Variants in COL10A1 observed in about 807,000 individuals in gnomAD.
COL10A1 encodes collagen type X alpha 1 chain, also known as collagen alpha-1(X) chain.
In COL10A1, 10 loss-of-function variants were observed where a neutral mutation model predicts 18.2. The ratio of observed to expected loss-of-function variants is 0.55; its 90% CI spans 0.34 to 0.93. The LOEUF (loss-of-function observed/expected upper bound fraction) is 0.93. Among genes scored for constraint, COL10A1 ranks in the 40% least tolerant of loss-of-function variants. COL10A1 has a pLI of 0.02. For synonymous variants in COL10A1, 330 were observed against 316.6 expected (o/e 1.04, Z -0.45); for missense variants, 897 against 853.5 (o/e 1.05, Z -0.64).
chr6:116,167,108 A>G, the COL10A1 span, among the ~76,000 whole-genome samples: 11 of 151,976 alleles, frequency 7.2e-5, 1 homozygote, highest in South Asian at 2.3e-3. Flanking sequence ...ATTATCTTTT[A>G]TCACTGATGA....
the COL10A1 span, among the ~76,000 whole-genome samples, chr6:116,192,467 A>T: frequency 1.3e-5 from 2 of 152,096 alleles, no homozygotes; most frequent in African/African-American, 4.8e-5. Context: ...AACTATATAC[A>T]GATGAAAGAC....
chr6:116,154,364 G>A (rs1227770103), intron 1 of COL10A1, among the ~76,000 whole-genome samples: 1 of 152,002 alleles, frequency 6.6e-6, no homozygotes, highest in African/African-American at 2.4e-5. Flanking sequence ...ACCGTCCATG[G>A]TCACCCAGTT....
At chr6:116,143,283 T>C (rs944915305) in intron 1 of COL10A1, among the ~76,000 whole-genome samples, 1 of 152,166 alleles carries the variant, frequency 6.6e-6, no homozygotes, top group Admixed American at 6.5e-5. Flanking sequence ...CGATTTTGGC[T>C]CATTGCAACC....
At chr6:116,214,547 G>T in the COL10A1 span, among the ~76,000 whole-genome samples, 1 of 152,046 alleles carries the variant, frequency 6.6e-6, no homozygotes, top group Admixed American at 6.6e-5. Flanking sequence ...TGGACTGTCA[G>T]TTGACCTGAG....
chr6:116,149,583 G>A (rs1162376787), intron 1 of COL10A1, among the ~76,000 whole-genome samples: 7 of 152,176 alleles, frequency 4.6e-5, no homozygotes, highest in African/African-American at 1.4e-4. Flanking sequence ...TGAACCAAAG[G>A]ATGACTGTCG....
chr6:116,197,208 T>C, the COL10A1 span, among the ~76,000 whole-genome samples: 1 of 152,106 alleles, frequency 6.6e-6, no homozygotes, highest in South Asian at 2.1e-4. Context: ...CATAGGCATC[T>C]GGCCACGGAT....
At chr6:116,145,192 T>A (rs1366976050) in intron 1 of COL10A1, among the ~76,000 whole-genome samples, 1 of 152,272 alleles carries the variant, frequency 6.6e-6, no homozygotes, top group African/African-American at 2.4e-5. Flanking sequence ...TGGACAGTTG[T>A]CCTCAACAGA....
chr6:116,150,367 C>A (rs976306778), intron 1 of COL10A1, among the ~76,000 whole-genome samples: 1 of 152,110 alleles, frequency 6.6e-6, no homozygotes, highest in Non-Finnish European at 1.5e-5. Flanking sequence ...TCACTGCAAC[C>A]TCCACCTCCC....
At chr6:116,124,357 G>A (rs1779228622) in intron 2 of COL10A1, among the ~76,000 whole-genome samples, 1 of 152,050 alleles carries the variant, frequency 6.6e-6, no homozygotes, top group Non-Finnish European at 1.5e-5. Context: ...TATTTTATAG[G>A]CGGTCGTGTC....
At chr6:116,132,121 A>G (rs970737975) in intron 1 of COL10A1, among the ~76,000 whole-genome samples, 2 of 152,134 alleles carry the variant, frequency 1.3e-5, no homozygotes, top group East Asian at 1.9e-4. Flanking sequence ...CAAATACTTT[A>G]TAGTGAATAA....
At chr6:116,141,987 T>G (rs187265038) in intron 1 of COL10A1, among the ~76,000 whole-genome samples, 12 of 151,806 alleles carry the variant, frequency 7.9e-5, no homozygotes, top group Non-Finnish European at 1.2e-4. Flanking sequence ...TCAGGAAAAT[T>G]TTGACAAAGT....
chr6:116,173,720 C>G, the COL10A1 span, among the ~76,000 whole-genome samples: 16 of 152,076 alleles, frequency 1.1e-4, no homozygotes, highest in East Asian at 2.9e-3. Flanking sequence ...TTGGAATAAT[C>G]CCTAAATGTA....
Position 116,120,498 on chromosome 6 carries a change from C to T in COL10A1, c.1618G>A (p.Val540Ile). Reference protein sequence around the residue: ...QRPSLSGTPLVSANQGVTGMP... With the variant: ...QRPSLSGTPLISANQGVTGMP... Reference sequence around the variant, plus strand: ...CCTGTTACCCCCTGGTTGGCACTAACAAGAGGGGTCCCAGAAAGACTGGGC... The same window carrying T: ...CCTGTTACCCCCTGGTTGGCACTAATAAGAGGGGTCCCAGAAAGACTGGGC... Residue 540 changes from valine (V) to isoleucine (I), a missense_variant, in exon 3 of 3, where the codon GTT becomes ATT. Val to Ile is a conservative substitution (Grantham distance 29). Transcript: ENST00000651968. 6.2e-7 allele frequency: 1 copy of T among 1,614,224 alleles called. No individual in the cohort carries two copies. The highest frequency in any genetic ancestry group is 1.1e-5 in the South Asian group (1 of 91,086).
At chr6:116,216,636 A>G in the COL10A1 span, among the ~76,000 whole-genome samples, 1 of 151,828 alleles carries the variant, frequency 6.6e-6, no homozygotes, top group Non-Finnish European at 1.5e-5. Context: ...GATATTCTAG[A>G]TTTATTTATT....
chr6:116,121,772 C>T lies in COL10A1; in HGVS notation c.344G>A (p.Gly115Glu), dbSNP rs1172366817. Reference protein sequence around the residue: ...VGKPGVPGLPGKPGERGPYGP... With the variant: ...VGKPGVPGLPEKPGERGPYGP... ...ATATGGTCCTCTCTCTCCTGGTTTT[C>T]CTGGGAGTCCTGGCACACCTGGTTT... The change falls in exon 3 of 3, where the codon GGA becomes GAA. Residue 115 changes from glycine (G) to glutamate (E), a missense_variant. By Grantham distance (98) the Gly-to-Glu change is moderately conservative. Transcript: ENST00000651968. 5 of 1,613,854 alleles carry T rather than the reference C, an allele frequency of 3.1e-6. No homozygotes were observed. Among genetic ancestry groups the T allele is most frequent in the East Asian group, 2.2e-5 (1 of 44,852 alleles).
At chr6:116,188,498 TAAAAAC>T in the COL10A1 span, among the ~76,000 whole-genome samples, 1 of 151,962 alleles carries the variant, frequency 6.6e-6, no homozygotes, top group South Asian at 2.1e-4. Flanking sequence ...GAATGAATCT[TAAAAAC>T]AGAAAATGAG....
At chr6:116,166,278 C>T in the COL10A1 span, among the ~76,000 whole-genome samples, 1 of 152,188 alleles carries the variant, frequency 6.6e-6, no homozygotes, top group Non-Finnish European at 1.5e-5. Context: ...GACCATTCAT[C>T]TATGTCTTTG....
chr6:116,170,827 C>G, the COL10A1 span, among the ~76,000 whole-genome samples: 1 of 152,166 alleles, frequency 6.6e-6, no homozygotes, highest in Non-Finnish European at 1.5e-5. Flanking sequence ...GCAGTTCTCA[C>G]TCCCACCTGC....
chr6:116,127,982 C>T (rs1443681648), upstream of COL10A1, among the ~76,000 whole-genome samples: 1 of 152,064 alleles, frequency 6.6e-6, no homozygotes, highest in African/African-American at 2.4e-5. Flanking sequence ...TTTCTAAGCT[C>T]CTCCCAGTTT....
Sources: gnomAD v4.1 joint callset for allele counts (sites outside exome capture counted in the v4.1 genomes callset) on GRCh38, gnomAD v4.1.1 for gene constraint, MANE v1.5 for transcripts, NCBI Gene and HGNC (gene_info 2026-07-23, HGNC 2026-07-21) for gene names.